The following RUBCN variants were observed in gnomAD, a reference collection of about 807,000 sequenced individuals.
RUBCN encodes the protein rubicon autophagy regulator, also known as run domain Beclin-1-interacting and cysteine-rich domain-containing protein.
Under a neutral mutation model 113.2 loss-of-function variants are expected in RUBCN, and 74 were observed. The ratio of observed to expected loss-of-function variants is 0.65; its 90% CI spans 0.54 to 0.79. The LOEUF is 0.79. Among genes scored for constraint, RUBCN ranks in the 30% least tolerant of loss-of-function variants. RUBCN has a pLI of 0.00. For synonymous variants in RUBCN, 480 were observed against 490.0 expected, an observed-to-expected ratio of 0.98 and a Z score of 0.27; for missense variants, 1,109 against 1,251.7, an observed-to-expected ratio of 0.89 and a Z score of 1.72.
At chr3:197,699,164 A>T (rs964643721) in intron 7 of RUBCN, 11 of 1,519,302 alleles carry the variant, frequency 7.2e-6, no homozygotes, top group Non-Finnish European at 8.9e-6. Context: ...AACAAAGAGG[A>T]GGTGGAGGAC....
chr3:197,718,551 G>A (rs2108960819), intron 1 of RUBCN, among the ~76,000 whole-genome samples: 1 of 152,224 alleles, frequency 6.6e-6, no homozygotes, highest in East Asian at 1.9e-4. Context: ...CCAGGTAGAG[G>A]TGATCCTCCC....
In RUBCN at chr3:197,671,011, TTTTTG is replaced by T. The variant is rs959525388; in HGVS notation, c.*4002_*4006del. Among the ~76,000 whole-genome samples, 85 of 152,156 alleles carry T rather than the reference TTTTTG, an allele frequency of 5.6e-4. No individual in the cohort carries two copies. Among genetic ancestry groups the T allele is most frequent in the African/African-American group, 2.0e-3 (81 of 41,502 alleles). On this transcript the variant is annotated 3_prime_UTR_variant, in exon 20 of 20. Transcript: ENST00000296343. The stretch of plus-strand genomic sequence containing the variant: ...CTCATGCCACAGTGTGCTGGTGCTT[TTTTTG>T]TTTTGTTTTGTTTTTTTGAGACAGG...
intron 1 of RUBCN, among the ~76,000 whole-genome samples, chr3:197,718,440 T>C (rs573587991): frequency 6.6e-6 from 1 of 152,144 alleles, no homozygotes; most frequent in East Asian, 1.9e-4. Flanking sequence ...TTTATAGGGG[T>C]ATAACCCATT....
intron 1 of RUBCN, 113 bp from the exon 2 acceptor site, chr3:197,718,243 T>G: frequency 2.6e-6 from 3 of 1,149,204 alleles, no homozygotes; most frequent in Admixed American, 1.9e-5. Context: ...TAACATTCTC[T>G]CCCCTCTTAA....
chr3:197,722,910 A>G (rs752971329), intron 1 of RUBCN, among the ~76,000 whole-genome samples: 3 of 152,106 alleles, frequency 2.0e-5, no homozygotes, highest in Non-Finnish European at 4.4e-5. Context: ...GGTTTTTAAA[A>G]ATTCATTGAG....
intron 1 of RUBCN, among the ~76,000 whole-genome samples, chr3:197,724,122 AC>A (rs1726472367): frequency 6.6e-6 from 1 of 152,078 alleles, no homozygotes; most frequent in Non-Finnish European, 1.5e-5. Context: ...AATACCAACT[AC>A]CTTCTTCTGG....
At chr3:197,729,339 G>A (rs1727144223) in intron 1 of RUBCN, among the ~76,000 whole-genome samples, 1 of 151,922 alleles carries the variant, frequency 6.6e-6, no homozygotes, top group African/African-American at 2.4e-5. Context: ...TACAAGTTCT[G>A]CCTCCCGGGC....
In RUBCN at chr3:197,701,124, T is replaced by C; in HGVS notation, c.750A>G (p.Pro250=). The C allele has an allele frequency of 1.3e-6, 2 of 1,557,454 alleles. No individual in the cohort carries two copies. The highest frequency in any genetic ancestry group is 1.7e-6 in the Non-Finnish European group (2 of 1,152,756). ...NGSERRSTSF[P]LSGPPRKPQE... ...GAGGTTTCCGGGGAGGGCCAGAGAGTGGAAAGGAAGTAGATCTTCTCTCTA... is the reference window on the plus strand; with the variant it reads ...GAGGTTTCCGGGGAGGGCCAGAGAGCGGAAAGGAAGTAGATCTTCTCTCTA... The change falls in exon 7 of 20, where the codon CCA becomes CCG. Residue 250 remains proline, a synonymous_variant. Transcript: ENST00000296343.
At chr3:197,726,149 CT>C (rs1254856064) in intron 1 of RUBCN, among the ~76,000 whole-genome samples, 1 of 152,246 alleles carries the variant, frequency 6.6e-6, no homozygotes, top group Non-Finnish European at 1.5e-5. Flanking sequence ...TCTAAAAATA[CT>C]TTAAGACTGT....
intron 1 of RUBCN, among the ~76,000 whole-genome samples, chr3:197,735,852 G>A (rs974623367): frequency 6.6e-6 from 1 of 152,066 alleles, no homozygotes; most frequent in African/African-American, 2.4e-5. Context: ...CCTCCCCCAA[G>A]GTGCTGGAAT....
At chr3:197,704,915 G>T (rs1724117361) in intron 3 of RUBCN, among the ~76,000 whole-genome samples, 177 bp downstream of exon 3, 1 of 146,204 alleles carries the variant, frequency 6.8e-6, no homozygotes, top group African/African-American at 2.5e-5. Flanking sequence ...GGGTTTGCAT[G>T]TTTTTTTTTT....
At chr3:197,730,336 C>G (rs1427728199) in intron 1 of RUBCN, among the ~76,000 whole-genome samples, 1 of 152,116 alleles carries the variant, frequency 6.6e-6, no homozygotes, top group Non-Finnish European at 1.5e-5. Flanking sequence ...AGAAACATAA[C>G]TCAAGTCAGT....
rs1190788158 is a variant in RUBCN at position 197,669,656 on chromosome 3, T to G, written c.*5362A>C. 6.6e-6 allele frequency among the ~76,000 whole-genome samples: 1 copy of G among 152,214 alleles called. No homozygotes were observed. Among genetic ancestry groups the G allele is most frequent in the Non-Finnish European group, 1.5e-5 (1 of 68,036 alleles). On this transcript the variant is annotated 3_prime_UTR_variant, in exon 20 of 20. Transcript: ENST00000296343. ...GCTATTTTCCTCTTTCTATATCCTT[T>G]TATTTAAAAAAGTGAATCACTAATT...
At chr3:197,688,821 G>A (rs932640609) in intron 11 of RUBCN, among the ~76,000 whole-genome samples, 6 of 152,150 alleles carry the variant, frequency 3.9e-5, no homozygotes, top group South Asian at 2.1e-4. Flanking sequence ...CCATTTATAC[G>A]AAGTGTCCAG....
At position 197,669,144 on chromosome 3, in the gene RUBCN, A is replaced by T. The variant is rs953468037; in HGVS notation, c.*5874T>A. Among the ~76,000 whole-genome samples the T allele has an allele frequency of 6.6e-6, 1 of 152,206 alleles. No individual in the cohort carries two copies. The highest frequency in any genetic ancestry group is 6.5e-5 in the Admixed American group (1 of 15,284). ...AAATTCGTCACATAGCCCTCACCCG[A>T]TTTCAGCTCTCCCTAATGTTACCAT... On this transcript the variant is annotated 3_prime_UTR_variant, in exon 20 of 20. Coordinates refer to ENST00000296343, the MANE Select transcript of RUBCN (RefSeq NM_014687.4).
chr3:197,730,608 G>A (rs1580380032), intron 1 of RUBCN, among the ~76,000 whole-genome samples: 1 of 151,498 alleles, frequency 6.6e-6, no homozygotes, highest in African/African-American at 2.4e-5. Context: ...TGGGACCAGG[G>A]GGCCATCACG....
At chr3:197,740,172 T>G (rs1009704075), upstream of RUBCN, among the ~76,000 whole-genome samples, 1 of 152,224 alleles carries the variant, frequency 6.6e-6, no homozygotes, top group African/African-American at 2.4e-5. Context: ...GACAATAATC[T>G]GCACTAGCCA....
intron 1 of RUBCN, among the ~76,000 whole-genome samples, chr3:197,734,416 A>G (rs1225280608): frequency 1.3e-5 from 2 of 151,774 alleles, no homozygotes; most frequent in Non-Finnish European, 2.9e-5. Context: ...AAAAGAAAAA[A>G]AAAAAAAAGC....
At chr3:197,741,487 G>C (rs1580421123), upstream of RUBCN, among the ~76,000 whole-genome samples, 1 of 152,218 alleles carries the variant, frequency 6.6e-6, no homozygotes, top group East Asian at 1.9e-4. Context: ...TGTCTTTATA[G>C]CAACATTTCC....
Sources: allele counts gnomAD v4.1 joint callset (sites outside exome capture counted in the v4.1 genomes callset), GRCh38; gene constraint gnomAD v4.1.1; transcripts MANE v1.5; gene names NCBI Gene and HGNC (gene_info 2026-07-23, HGNC 2026-07-21).